Variants in HACD4 observed in about 807,000 individuals in gnomAD.
HACD4 encodes 3-hydroxyacyl-CoA dehydratase 4.
Under a neutral mutation model 33.3 loss-of-function variants are expected in HACD4, and 35 were observed. That is an observed-to-expected ratio of 1.05 (90% CI 0.80 to 1.39). The LOEUF is 1.39. HACD4 is among the 40% of genes most tolerant of loss of function. The pLI is 0.00. For synonymous variants in HACD4, 118 were observed against 98.0 expected, an observed-to-expected ratio of 1.20 and a Z score of -1.21; for missense variants, 323 against 276.5, an observed-to-expected ratio of 1.17 and a Z score of -1.19.
chr9:21,031,128 C>G (rs934682631), intron 1 of HACD4, among the ~76,000 whole-genome samples: 2 of 152,118 alleles, frequency 1.3e-5, no homozygotes, highest in African/African-American at 2.4e-5. Context: ...CCAGGCCCTA[C>G]CGCTATATGA....
chr9:21,022,932 G>A (rs1284791095), intron 3 of HACD4, among the ~76,000 whole-genome samples: 12 of 151,794 alleles, frequency 7.9e-5, no homozygotes, highest in East Asian at 1.9e-4. Flanking sequence ...TGTTTATTGC[G>A]GCACTATTCA....
intron 2 of HACD4, among the ~76,000 whole-genome samples, chr9:21,027,336 A>G (rs1818088307): frequency 6.6e-6 from 1 of 152,206 alleles, no homozygotes; most frequent in South Asian, 2.1e-4. Flanking sequence ...AATACTGTGC[A>G]CTTGGAGCTG....
chr9:21,024,236 T>C (rs555101624), intron 3 of HACD4, among the ~76,000 whole-genome samples: 1 of 152,286 alleles, frequency 6.6e-6, no homozygotes, highest in East Asian at 1.9e-4. Flanking sequence ...AGGGGCCAAA[T>C]AAAATCTTAA....
rs964503071 is a variant in HACD4 at position 21,011,493 on chromosome 9, G to A, written c.490+96C>T. The A allele has an allele frequency of 5.9e-5, 45 of 758,110 alleles. No homozygotes were observed. The East Asian group carries it at 7.9e-4, about 13-fold the overall frequency. 47.0% of individuals were successfully genotyped at this position (758,110 alleles called of 1,614,324 possible). A position where few individuals can be genotyped will look rare whatever the true frequency, so the allele number is the denominator to read the frequency against. On this transcript the variant is annotated intron_variant, in intron 5 of 6. Transcript: ENST00000495827. ...GATACACTGAGTGAGCTAAGCATTC[G>A]CAAAAATAGTAATTTAATCATCAAA... is the stretch of plus-strand genomic sequence containing the variant.
At chr9:21,024,809 C>G (rs557112511) in intron 3 of HACD4, among the ~76,000 whole-genome samples, 3 of 152,170 alleles carry the variant, frequency 2.0e-5, no homozygotes, top group East Asian at 3.9e-4. Context: ...AGTAAAAAGG[C>G]CTTTAAAAAA....
intron 6 of HACD4, 66 bp downstream of exon 6, chr9:21,007,955 T>C (rs1278631480): frequency 2.1e-6 from 3 of 1,451,726 alleles, no homozygotes; most frequent in Admixed American, 2.3e-5. Context: ...TATATTAAGG[T>C]AGACGGCAAG....
intron 2 of HACD4, among the ~76,000 whole-genome samples, chr9:21,027,558 C>T (rs1198619750): frequency 6.6e-6 from 1 of 152,196 alleles, no homozygotes; most frequent in Non-Finnish European, 1.5e-5. Context: ...ATCCCCATTT[C>T]AGAGATGGTT....
intron 3 of HACD4, among the ~76,000 whole-genome samples, chr9:21,018,551 G>C (rs1112166): frequency 0.62 from 94,361 of 152,186 alleles, 29,733 homozygotes; most frequent in South Asian, 0.69. Flanking sequence ...TGAAGAAAAG[G>C]CTTTTAATAT....
intron 3 of HACD4, among the ~76,000 whole-genome samples, chr9:21,026,262 C>T (rs1818058162): frequency 6.6e-6 from 1 of 152,218 alleles, no homozygotes; most frequent in African/African-American, 2.4e-5. Context: ...AGCCAGGCTT[C>T]AAGCCTAAGT....
intron 1 of HACD4, among the ~76,000 whole-genome samples, chr9:21,030,418 G>A (rs1398918659): frequency 2.0e-5 from 3 of 151,896 alleles, no homozygotes; most frequent in African/African-American, 2.4e-5. Flanking sequence ...CTCCAGCCTG[G>A]GCGACAGATC....
At chr9:21,013,079 A>G (rs996504266) in intron 4 of HACD4, among the ~76,000 whole-genome samples, 2 of 151,944 alleles carry the variant, frequency 1.3e-5, no homozygotes, top group Non-Finnish European at 2.9e-5. Context: ...AAAAAAAAAA[A>G]AAAAGAAAAG....
At position 20,999,680 on chromosome 9, in the gene HACD4, T is replaced by G. The variant is rs1418384032; in HGVS notation, c.*7357A>C. ...ATACAATTGAAATTCATTACCTAAT[T>G]AAGCCGATAGATTTCTTGAAATATA... On this transcript the variant is annotated 3_prime_UTR_variant, in exon 7 of 7. Coordinates refer to ENST00000495827, the MANE Select transcript of HACD4 (RefSeq NM_001010915.5). 1.3e-5 allele frequency: 2 copies of G among 152,206 alleles called. No homozygotes were observed. The highest frequency in any genetic ancestry group is 2.9e-5 in the Non-Finnish European group (2 of 68,024). The allele number at this position is 152,206 out of a possible 1,614,324, so 9.4% of individuals were successfully genotyped here. A position where few individuals can be genotyped will look rare whatever the true frequency, so the allele number is the denominator to read the frequency against.
chr9:21,023,403 AAC>A (rs776627700), intron 3 of HACD4, among the ~76,000 whole-genome samples: 12 of 152,104 alleles, frequency 7.9e-5, no homozygotes, highest in Admixed American at 2.0e-4. Context: ...AAGAAACAGA[AAC>A]ACAGCACAAA....
intron 5 of HACD4, among the ~76,000 whole-genome samples, chr9:21,010,705 A>C (rs1391911257): frequency 1.3e-5 from 2 of 152,158 alleles, no homozygotes; most frequent in Non-Finnish European, 2.9e-5. Context: ...TTGTAAGAAC[A>C]AAATAATTAT....
At chr9:21,009,660 CGCTT>C (rs1564269995) in intron 5 of HACD4, among the ~76,000 whole-genome samples, 1 of 152,114 alleles carries the variant, frequency 6.6e-6, no homozygotes, top group Non-Finnish European at 1.5e-5. Context: ...TCTACCACCT[CGCTT>C]ACTTTTCGTG....
At chr9:21,013,777 G>C (rs1587829146) in intron 4 of HACD4, among the ~76,000 whole-genome samples, 1 of 151,884 alleles carries the variant, frequency 6.6e-6, no homozygotes, top group Non-Finnish European at 1.5e-5. Flanking sequence ...TTGTATTCTT[G>C]ATTTCATTTT....
Position 21,026,721 on chromosome 9 carries a change from A to T in HACD4, c.145T>A (p.Ser49Thr). 6.2e-7 allele frequency: 1 copy of T among 1,613,292 alleles called. No individual in the cohort carries two copies. Among genetic ancestry groups the T allele is most frequent in the Non-Finnish European group, 8.5e-7 (1 of 1,179,550 alleles). The stretch of plus-strand genomic sequence containing the variant: ...ATAGCATAAAAAGTGTCAACCATTG[A>T]ATCTGTATCCCGTGGGTTAAAAATG... ...TVRFFSFGKD[S>T]MVDTFYAIGL... The change falls in exon 3 of 7, where the codon TCA (serine) becomes ACA (threonine). Residue 49 changes from serine (S) to threonine (T), a missense_variant and splice_region_variant. Physicochemically the swap from Ser to Thr is moderately conservative, Grantham distance 58. Transcript: ENST00000495827.
In HACD4 at chr9:21,000,826, A is replaced by G. The variant is rs1222601925; in HGVS notation, c.*6211T>C. 1.3e-5 allele frequency: 2 copies of G among 152,162 alleles called. No individual in the cohort carries two copies. The highest frequency in any genetic ancestry group is 2.9e-5 in the Non-Finnish European group (2 of 67,988). The allele number at this position is 152,162 out of a possible 1,614,324, so 9.4% of individuals were successfully genotyped here. A position where few individuals can be genotyped will look rare whatever the true frequency, so the allele number is the denominator to read the frequency against. On this transcript the variant is annotated 3_prime_UTR_variant, in exon 7 of 7. Transcript: ENST00000495827. The stretch of plus-strand genomic sequence containing the variant: ...ATGTTTTCTCCATAAGTAAACTTAA[A>G]TAATTGTAAGATTCTTTCTTTGGGG...
intron 5 of HACD4, among the ~76,000 whole-genome samples, chr9:21,011,081 G>T (rs1280362612): frequency 6.6e-6 from 1 of 152,124 alleles, no homozygotes; most frequent in Admixed American, 6.5e-5. Context: ...TGCTATAAAA[G>T]ATTCATGATA....
Sources: gnomAD v4.1 joint callset for allele counts (sites outside exome capture counted in the v4.1 genomes callset) on GRCh38, gnomAD v4.1.1 for gene constraint, MANE v1.5 for transcripts, NCBI Gene and HGNC (gene_info 2026-07-23, HGNC 2026-07-21) for gene names.